SUSD1: variants seen among roughly 807,000 people sequenced by gnomAD.
SUSD1 encodes sushi domain-containing protein 1.
SUSD1 carries 65 observed loss-of-function variants against 86.9 expected under a neutral mutation model. That is an observed-to-expected ratio of 0.75 (90% CI 0.61 to 0.92). The LOEUF (loss-of-function observed/expected upper bound fraction) is 0.92, where lower values mean the gene tolerates loss of function less well. Among genes scored for constraint, SUSD1 ranks in the 40% least tolerant of loss-of-function variants. The pLI is 0.00. For synonymous variants in SUSD1, 346 were observed against 350.0 expected (o/e 0.99, Z 0.13); for missense variants, 850 against 929.7 (o/e 0.91, Z 1.11).
chr9:112,142,160 C>G (rs1041145349), intron 5 of SUSD1, among the ~76,000 whole-genome samples, 160 bp downstream of exon 5: 1 of 151,838 alleles, frequency 6.6e-6, no homozygotes, highest in African/African-American at 2.4e-5. Flanking sequence ...GATACTATTC[C>G]TGAAAAATCA....
intron 8 of SUSD1, among the ~76,000 whole-genome samples, chr9:112,105,887 A>T (rs7854787): frequency 0.35 from 52,750 of 152,002 alleles, 9,960 homozygotes; most frequent in African/African-American, 0.5. Context: ...GTCAATAAAC[A>T]TTTGCCGGGT....
intron 6 of SUSD1, among the ~76,000 whole-genome samples, chr9:112,115,786 G>A (rs1212702664): frequency 3.3e-5 from 4 of 122,042 alleles, no homozygotes; most frequent in Admixed American, 2.2e-4. Context: ...TGCAGCCTGG[G>A]CGGCAGAATG....
At position 112,157,558 on chromosome 9, in the gene SUSD1, C is replaced by G; in HGVS notation, c.159G>C (p.Gly53=). Residue 53 remains glycine, a synonymous_variant, in exon 2 of 17, where the codon GGG becomes GGC. Transcript: ENST00000374270. ...HEHATCQQRE[G]KKICICNYGF... Reference sequence around the variant, plus strand: ...CATAGTTGCAAATACAGATCTTCTTCCCTTCTCTTTGCTGGCATGTGGCAT... The same window carrying G: ...CATAGTTGCAAATACAGATCTTCTTGCCTTCTCTTTGCTGGCATGTGGCAT... 3.1e-6 allele frequency: 5 copies of G among 1,614,172 alleles called. No homozygotes were observed. Among genetic ancestry groups the G allele is most frequent in the Non-Finnish European group, 4.2e-6 (5 of 1,180,028 alleles).
chr9:112,137,268 G>T (rs745432040), intron 5 of SUSD1, among the ~76,000 whole-genome samples: 13 of 152,216 alleles, frequency 8.5e-5, no homozygotes, highest in Middle Eastern at 3.4e-3. Context: ...CACAGGGGAG[G>T]AGGAGGAGGA....
intron 5 of SUSD1, among the ~76,000 whole-genome samples, chr9:112,126,771 T>C (rs963757772): frequency 4.6e-5 from 7 of 152,192 alleles, no homozygotes; most frequent in African/African-American, 1.4e-4. Context: ...TAGTACTGAA[T>C]TGGGCTCTTG....
intron 12 of SUSD1, among the ~76,000 whole-genome samples, chr9:112,066,708 T>C (rs1169891960): frequency 6.6e-6 from 1 of 152,198 alleles, no homozygotes. Context: ...TCCCTTTTTC[T>C]GTGGAGAGCG....
intron 10 of SUSD1, among the ~76,000 whole-genome samples, chr9:112,092,765 T>C (rs942941739): frequency 6.6e-6 from 1 of 152,154 alleles, no homozygotes. Context: ...TGAATCACAA[T>C]GGAAAAGATC....
chr9:112,163,532 T>G (rs1268367677), intron 1 of SUSD1, among the ~76,000 whole-genome samples: 1 of 149,212 alleles, frequency 6.7e-6, no homozygotes, highest in African/African-American at 2.5e-5. Context: ...CAGCTACTTG[T>G]GAAGCTGATG....
At chr9:112,110,739 T>A (rs1160443507) in intron 8 of SUSD1, among the ~76,000 whole-genome samples, 1 of 151,966 alleles carries the variant, frequency 6.6e-6, no homozygotes, top group Admixed American at 6.6e-5. Context: ...CAGAGCTTTT[T>A]TTTTTTAACT....
intron 1 of SUSD1, among the ~76,000 whole-genome samples, chr9:112,168,400 C>G (rs1320185859): frequency 6.6e-6 from 1 of 152,140 alleles, no homozygotes; most frequent in African/African-American, 2.4e-5. Context: ...ATCCTCCCAG[C>G]CTTCTGGGTA....
At chr9:112,061,865 T>C (rs1828743083) in intron 13 of SUSD1, among the ~76,000 whole-genome samples, 1 of 152,046 alleles carries the variant, frequency 6.6e-6, no homozygotes, top group Non-Finnish European at 1.5e-5. Flanking sequence ...ACAAAGGCAA[T>C]GTTGGTGAGG....
intron 6 of SUSD1, among the ~76,000 whole-genome samples, chr9:112,114,991 G>A (rs2131658417): frequency 6.6e-6 from 1 of 152,232 alleles, no homozygotes; most frequent in South Asian, 2.1e-4. Context: ...TCCCACTCCT[G>A]GTGCCTGGGA....
chr9:112,135,281 C>T (rs1429300981), intron 5 of SUSD1, among the ~76,000 whole-genome samples: 2 of 152,114 alleles, frequency 1.3e-5, no homozygotes, highest in East Asian at 3.8e-4. Context: ...TTTATTTAGC[C>T]TTGACTAACA....
chr9:112,140,319 G>A lies in SUSD1; in HGVS notation c.706+2001C>T, dbSNP rs1318938623. Among the ~76,000 whole-genome samples the A allele has an allele frequency of 6.2e-5, 5 of 80,920 alleles. 1 individual carries two copies. The highest frequency in any genetic ancestry group is 4.2e-4 in the East Asian group (2 of 4,728). The allele number at this position is 80,920 out of a possible 152,430, so 53.1% of individuals were successfully genotyped here. ...GGAGCTTGCCGTGAGCCGAGATTGCGCCACTGCAGTCCGCAGTCCGGCCTG... is the reference window on the plus strand; with the variant it reads ...GGAGCTTGCCGTGAGCCGAGATTGCACCACTGCAGTCCGCAGTCCGGCCTG... On this transcript the variant is annotated intron_variant, in intron 5 of 16. Transcript: ENST00000374270.
chr9:112,081,502 G>A (rs973752072), intron 10 of SUSD1, among the ~76,000 whole-genome samples: 6 of 152,218 alleles, frequency 3.9e-5, no homozygotes, highest in African/African-American at 1.4e-4. Flanking sequence ...CCACAGCTGG[G>A]TAGAGACAGG....
Position 112,164,417 on chromosome 9 carries a change from TTAAAGTGCATTC to T in SUSD1, c.104-6816_104-6805del, listed in dbSNP as rs537335673. Among the ~76,000 whole-genome samples, 501 of 152,034 alleles carry T rather than the reference TTAAAGTGCATTC, an allele frequency of 3.3e-3. 1 individual carries two copies. Among genetic ancestry groups the T allele is most frequent in the Non-Finnish European group, 4.5e-3 (306 of 67,954 alleles). On this transcript the variant is annotated intron_variant, in intron 1 of 16. Coordinates refer to ENST00000374270, the MANE Select transcript of SUSD1 (RefSeq NM_022486.5). ...ACAAGGACTTTGGGCTTCTCGAATT[TTAAAGTGCATTC>T]AAATCACCTCGGGAGGCTGAGGCAG...
At chr9:112,078,479 G>C in intron 12 of SUSD1, 59 bp downstream of exon 12, 1 of 1,478,278 alleles carries the variant, frequency 6.8e-7, no homozygotes, top group East Asian at 2.3e-5. Flanking sequence ...TCTTTATCAG[G>C]ACCTATGAAC....
chr9:112,061,236 T>C (rs1032277181), intron 13 of SUSD1, among the ~76,000 whole-genome samples: 24 of 152,086 alleles, frequency 1.6e-4, no homozygotes, highest in African/African-American at 4.6e-4. Flanking sequence ...CAAGACACTG[T>C]CCCTAAATGG....
chr9:112,053,247 G>A (rs1828298495), intron 14 of SUSD1, among the ~76,000 whole-genome samples: 1 of 151,674 alleles, frequency 6.6e-6, no homozygotes, highest in South Asian at 2.1e-4. Context: ...GGGCACAGTG[G>A]CTCACACCTG....
Sources: allele counts gnomAD v4.1 joint callset (sites outside exome capture counted in the v4.1 genomes callset), GRCh38; gene constraint gnomAD v4.1.1; transcripts MANE v1.5; gene names NCBI Gene and HGNC (gene_info 2026-07-23, HGNC 2026-07-21).